Variants in PIK3AP1 observed in about 807,000 individuals in gnomAD.
The protein encoded by PIK3AP1 is phosphoinositide-3-kinase adaptor protein 1, also known as phosphoinositide 3-kinase adapter protein 1.
Under a neutral mutation model 88.1 loss-of-function variants are expected in PIK3AP1, and 21 were observed. That is an observed-to-expected ratio of 0.24 (90% CI 0.17 to 0.34). The LOEUF (loss-of-function observed/expected upper bound fraction) is 0.34. Ranked by LOEUF, PIK3AP1 falls within the 10% of genes least tolerant of loss-of-function variation. PIK3AP1 has a pLI of 1.00. For synonymous variants in PIK3AP1, 398 were observed against 400.0 expected, an observed-to-expected ratio of 1.00 and a Z score of 0.06; for missense variants, 828 against 1,035.7, an observed-to-expected ratio of 0.80 and a Z score of 2.75.
At chr10:96,700,265 C>T (rs1263153418) in intron 2 of PIK3AP1, among the ~76,000 whole-genome samples, 2 of 150,804 alleles carry the variant, frequency 1.3e-5, no homozygotes, top group Non-Finnish European at 3.0e-5. Flanking sequence ...AGTTTACCAC[C>T]CCACCGAGAT....
chr10:96,662,888 C>CAAAAAAAA (rs749898725), intron 2 of PIK3AP1, among the ~76,000 whole-genome samples: 96 of 22,542 alleles, frequency 4.3e-3, no homozygotes, highest in Non-Finnish European at 5.0e-3. Context: ...GACTCCGTCT[C>CAAAAAAAA]AAAAAAAAAA....
intron 9 of PIK3AP1, among the ~76,000 whole-genome samples, chr10:96,627,481 T>C (rs1162450605): frequency 2.0e-5 from 3 of 152,214 alleles, no homozygotes; most frequent in Middle Eastern, 3.2e-3. Flanking sequence ...AAATAAACGG[T>C]CCTGTTGTGT....
intron 2 of PIK3AP1, among the ~76,000 whole-genome samples, chr10:96,662,888 CAAAAAAAAAAAA>C (rs749898725): frequency 4.9e-4 from 11 of 22,576 alleles, no homozygotes; most frequent in African/African-American, 8.9e-4. Flanking sequence ...GACTCCGTCT[CAAAAAAAAAAAA>C]AAAAAAAAAA....
intron 9 of PIK3AP1, 72 bp from the exon 10 acceptor site, chr10:96,626,977 G>T: frequency 7.1e-7 from 1 of 1,409,066 alleles, no homozygotes; most frequent in African/African-American, 1.4e-5. Flanking sequence ...ATAAAGCAGA[G>T]TGAGGGACCT....
chr10:96,698,034 GGTATTCCATT>G (rs2134280345), intron 2 of PIK3AP1, among the ~76,000 whole-genome samples: 1 of 152,256 alleles, frequency 6.6e-6, no homozygotes, highest in Admixed American at 6.5e-5. Context: ...AGGTCTGGAT[GGTATTCCATT>G]GCATAGATGC....
At chr10:96,719,991 C>G (rs1054124944) in intron 1 of PIK3AP1, among the ~76,000 whole-genome samples, 14 of 152,196 alleles carry the variant, frequency 9.2e-5, no homozygotes, top group African/African-American at 3.4e-4. Flanking sequence ...GTCCACGGAG[C>G]CCAGGAGACG....
In PIK3AP1 at chr10:96,613,043, C is replaced by T. The variant is rs192309132; in HGVS notation, c.2015-3176G>A. Among the ~76,000 whole-genome samples the T allele has an allele frequency of 4.6e-3, 585 of 126,344 alleles. 4 individuals carry two copies. The highest frequency in any genetic ancestry group is 0.013 in the Middle Eastern group (2 of 154). 82.9% of individuals were successfully genotyped at this position (126,344 alleles called of 152,430 possible). ...AGACAGAGTCTCGCACTGTCGCCCA[C>T]GCTGGAGTGCAGTGGTGCGATCTTG... On this transcript the variant is annotated intron_variant, in intron 13 of 16. Transcript: ENST00000339364.
chr10:96,639,898 A>C (rs1181249226), intron 8 of PIK3AP1, among the ~76,000 whole-genome samples: 1 of 152,200 alleles, frequency 6.6e-6, no homozygotes. Context: ...TTGGTTTCAG[A>C]CCTACAGGGC....
intron 2 of PIK3AP1, among the ~76,000 whole-genome samples, chr10:96,692,246 T>C (rs1202158482): frequency 6.6e-6 from 1 of 152,216 alleles, no homozygotes; most frequent in Non-Finnish European, 1.5e-5. Flanking sequence ...CATATTTCAA[T>C]ACAGCTGTTT....
chr10:96,602,457 G>A (rs1848916176), intron 15 of PIK3AP1, 59 bp from the exon 16 acceptor site: 3 of 1,442,508 alleles, frequency 2.1e-6, no homozygotes, highest in Admixed American at 1.7e-5. Context: ...CAGCATAGCT[G>A]GACAACCGTA....
chr10:96,633,416 C>T (rs565124572), intron 8 of PIK3AP1, among the ~76,000 whole-genome samples: 1 of 152,308 alleles, frequency 6.6e-6, no homozygotes, highest in African/African-American at 2.4e-5. Flanking sequence ...TTAAAATCCT[C>T]TCAGCTTCTC....
At chr10:96,709,146 A>AC (rs894700728) in intron 2 of PIK3AP1, among the ~76,000 whole-genome samples, 3 of 151,562 alleles carry the variant, frequency 2.0e-5, no homozygotes, top group African/African-American at 4.9e-5. Flanking sequence ...AAAAAAAAAA[A>AC]AAAACCCTTT....
chr10:96,717,654 G>C (rs185439456), intron 1 of PIK3AP1, among the ~76,000 whole-genome samples: 1 of 152,286 alleles, frequency 6.6e-6, no homozygotes, highest in Non-Finnish European at 1.5e-5. Context: ...TGGAGAGAGG[G>C]GGCAAGAGAC....
At chr10:96,655,272 G>C (rs1385172960) in intron 3 of PIK3AP1, among the ~76,000 whole-genome samples, 1 of 152,134 alleles carries the variant, frequency 6.6e-6, no homozygotes, top group Non-Finnish European at 1.5e-5. Flanking sequence ...GTGGGGCTGA[G>C]GTGAATGGAT....
At chr10:96,710,110 A>AG in intron 1 of PIK3AP1, 127 bp from the exon 2 acceptor site, 15 of 739,352 alleles carry the variant, frequency 2.0e-5, no homozygotes, top group Non-Finnish European at 3.2e-5. Flanking sequence ...GTGTGCCTCC[A>AG]GCACACCAGC....
chr10:96,689,325 G>T (rs1358714624), intron 2 of PIK3AP1, among the ~76,000 whole-genome samples: 1 of 151,716 alleles, frequency 6.6e-6, no homozygotes, highest in African/African-American at 2.4e-5. Context: ...AGTACTTTGG[G>T]AGGCCGAGGC....
At chr10:96,619,419 CT>C (rs760661706) in intron 12 of PIK3AP1, 1 of 152,342 alleles carries the variant, frequency 6.6e-6, no homozygotes, top group Non-Finnish European at 1.5e-5. Context: ...CCCATCTGAT[CT>C]CTGAGGGTAA....
chr10:96,605,469 A>G (rs994455484), intron 14 of PIK3AP1, among the ~76,000 whole-genome samples: 1 of 152,224 alleles, frequency 6.6e-6, no homozygotes, highest in Non-Finnish European at 1.5e-5. Flanking sequence ...GTGATCTAGC[A>G]GAGAAGAAGA....
intron 2 of PIK3AP1, among the ~76,000 whole-genome samples, chr10:96,688,507 G>A (rs1404770684): frequency 6.6e-6 from 1 of 152,096 alleles, no homozygotes; most frequent in Admixed American, 6.5e-5. Context: ...TTAAAAATAT[G>A]CACACATTAG....
Sources: gnomAD v4.1 joint callset for allele counts (sites outside exome capture counted in the v4.1 genomes callset) on GRCh38, gnomAD v4.1.1 for gene constraint, MANE v1.5 for transcripts, NCBI Gene and HGNC (gene_info 2026-07-23, HGNC 2026-07-21) for gene names.